SCN8A: variants seen among roughly 807,000 people sequenced by gnomAD.
SCN8A encodes sodium channel protein type 8 subunit alpha.
In SCN8A, 30 loss-of-function variants were observed where a neutral mutation model predicts 184.1. The observed-to-expected ratio is 0.16, with a 90% confidence interval of 0.12 to 0.22. The LOEUF is 0.22. SCN8A is among the 10% of genes least tolerant of loss of function. The pLI is 1.00. For missense variants in SCN8A, 1,057 were observed against 2,498.9 expected (o/e 0.42, Z 12.30); for synonymous variants, 852 against 907.0 (o/e 0.94, Z 1.09).
chr12:51,662,784 A>T lies in SCN8A; in HGVS notation c.-34A>T, dbSNP rs763026909. On this transcript the variant is annotated 5_prime_UTR_variant, in exon 2 of 27. Transcript: ENST00000627620. Reference sequence around the variant, plus strand: ...TCCAGAGCTGACCTGTCCTGGACGCAGCATAACTAACGAAGCTGCTGCAGG... The same window carrying T: ...TCCAGAGCTGACCTGTCCTGGACGCTGCATAACTAACGAAGCTGCTGCAGG... The T allele has an allele frequency of 4.4e-6, 7 of 1,608,782 alleles. No homozygotes were observed. Among genetic ancestry groups the T allele is most frequent in the African/African-American group, 1.3e-5 (1 of 74,772 alleles).
At chr12:51,701,320 C>A (rs1196211960) in intron 8 of SCN8A, 113 bp downstream of exon 8, 7 of 567,594 alleles carry the variant, frequency 1.2e-5, no homozygotes, top group Admixed American at 3.5e-5. Context: ...GTAGACCTTA[C>A]AATTGCATCT....
intron 14 of SCN8A, among the ~76,000 whole-genome samples, chr12:51,755,648 G>C (rs1279507953): frequency 6.6e-6 from 1 of 151,684 alleles, no homozygotes; most frequent in African/African-American, 2.4e-5. Context: ...GGAAGAGGTG[G>C]AGATCTGAGA....
intron 5 of SCN8A, chr12:51,688,795 G>C: frequency 6.2e-7 from 1 of 1,613,938 alleles, no homozygotes; most frequent in South Asian, 1.1e-5. Flanking sequence ...CAATGTTTCA[G>C]CTCTACGCAC....
chr12:51,626,339 T>C (rs1592337410), intron 1 of SCN8A, among the ~76,000 whole-genome samples: 2 of 152,180 alleles, frequency 1.3e-5, no homozygotes, highest in Non-Finnish European at 2.9e-5. Flanking sequence ...AGTTTGGCCT[T>C]GTGATCTATG....
At position 51,811,145 on chromosome 12, in the gene SCN8A, AT is replaced by A. The variant is rs1477469515; in HGVS notation, c.*3718del. The A allele has an allele frequency of 6.6e-6, 1 of 152,160 alleles. No individual in the cohort carries two copies. The highest frequency in any genetic ancestry group is 2.4e-5 in the African/African-American group (1 of 41,442). The allele number at this position is 152,160 out of a possible 1,614,324, so 9.4% of individuals were successfully genotyped here. ...GTGTGTTTGTTGCTTGACTATCCCA[AT>A]TCTTGAGTCCTGGGAGGGGTCTGGG... On this transcript the variant is annotated 3_prime_UTR_variant, in exon 27 of 27. Transcript: ENST00000627620.
chr12:51,774,422 C>T, intron 20 of SCN8A, 60 bp downstream of exon 20: 1 of 1,502,072 alleles, frequency 6.7e-7, no homozygotes, highest in Non-Finnish European at 9.0e-7. Flanking sequence ...ACAGGGGTCT[C>T]TCTTTTTCTA....
At position 51,713,958 on chromosome 12, in the gene SCN8A, C is replaced by T. The variant is rs1312921359; in HGVS notation, c.1635+7243C>T. On this transcript the variant is annotated intron_variant, in intron 11 of 26. Coordinates refer to ENST00000627620, the MANE Select transcript of SCN8A (RefSeq NM_001330260.2). ...ATTTTTAAGAAAAATGAACTGTTTT[C>T]CAAAACCAAAAAAAAGGGTTTTTTT... Among the ~76,000 whole-genome samples, 4 of 149,844 alleles carry T rather than the reference C, an allele frequency of 2.7e-5. No individual in the cohort carries two copies. The East Asian group carries it at 5.8e-4, about 22-fold the overall frequency.
chr12:51,766,027 G>A lies in SCN8A; in HGVS notation c.2901G>A (p.Val967=), dbSNP rs1942832386. The A allele has an allele frequency of 6.2e-7, 1 of 1,612,056 alleles. No individual in the cohort carries two copies. Among genetic ancestry groups the A allele is most frequent in the African/African-American group, 1.3e-5 (1 of 74,866 alleles). ...FMMVMVIGNL[V]VLNLFLALLL... is the part of the protein sequence containing the mutation. ...TGGTCATGGTGATTGGCAACTTGGT[G>A]GTTAGTACTAATTTGTAGATATTTT... Residue 967 remains valine (V), a splice_region_variant and synonymous_variant, in exon 16 of 27, where the codon GTG becomes GTA. Coordinates refer to ENST00000627620, the MANE Select transcript of SCN8A (RefSeq NM_001330260.2).
chr12:51,620,008 T>C (rs1451341008), intron 1 of SCN8A, among the ~76,000 whole-genome samples: 1 of 152,190 alleles, frequency 6.6e-6, no homozygotes, highest in Non-Finnish European at 1.5e-5. Flanking sequence ...GTGATAATCA[T>C]TTTTTTCCTG....
At position 51,770,108 on chromosome 12, in the gene SCN8A, C is replaced by T. The variant is rs538022556; in HGVS notation, c.3490+123C>T. 5 of 678,796 alleles carry T rather than the reference C, an allele frequency of 7.4e-6. No homozygotes were observed. In the East Asian group the frequency reaches 1.1e-4, roughly 15 times the overall value. The allele number at this position is 678,796 out of a possible 1,614,324, so 42.0% of individuals were successfully genotyped here. A position where few individuals can be genotyped will look rare whatever the true frequency, so the allele number is the denominator to read the frequency against. On this transcript the variant is annotated intron_variant, in intron 18 of 26. Transcript: ENST00000627620. Reference sequence around the variant, plus strand: ...CTATCTTCAAGAACTTTGCTCCCCACCCCACCATTTTGAAGGAAACTTAGA... The same window carrying T: ...CTATCTTCAAGAACTTTGCTCCCCATCCCACCATTTTGAAGGAAACTTAGA...
rs933114941 is a variant in SCN8A, at chr12:51,701,453, A to G, written c.992+246A>G. On this transcript the variant is annotated intron_variant, in intron 8 of 26. Transcript: ENST00000627620. ...ATGAAAGAATCCAAGGATGAAATCAATAACACCAGATAGCTTACCTGCCTC... is the reference window on the plus strand; with the variant it reads ...ATGAAAGAATCCAAGGATGAAATCAGTAACACCAGATAGCTTACCTGCCTC... 6.6e-5 allele frequency among the ~76,000 whole-genome samples: 10 copies of G among 152,212 alleles called. No homozygotes were observed. In the East Asian group the frequency reaches 9.6e-4, roughly 15 times the overall value.
chr12:51,730,729 A>T (rs1424789325), intron 12 of SCN8A, among the ~76,000 whole-genome samples: 1 of 152,138 alleles, frequency 6.6e-6, no homozygotes, highest in Non-Finnish European at 1.5e-5. Context: ...TCTTTTAGTT[A>T]TTTTCAAATG....
At chr12:51,760,158 A>G (rs906130278) in intron 14 of SCN8A, among the ~76,000 whole-genome samples, 17 of 152,236 alleles carry the variant, frequency 1.1e-4, no homozygotes, top group Non-Finnish European at 1.9e-4. Flanking sequence ...AGACACTTAT[A>G]TATAATTGCT....
At chr12:51,662,134 G>C in intron 1 of SCN8A, among the ~76,000 whole-genome samples, 1 of 152,216 alleles carries the variant, frequency 6.6e-6, no homozygotes, top group East Asian at 1.9e-4. Flanking sequence ...TCTGCCCTCT[G>C]AGCTTGATGG....
chr12:51,743,090 T>C (rs1004380614), intron 12 of SCN8A, among the ~76,000 whole-genome samples: 8 of 152,234 alleles, frequency 5.3e-5, no homozygotes, highest in Non-Finnish European at 8.8e-5. Flanking sequence ...TAAATTTATC[T>C]GATAGAATGC....
In SCN8A at chr12:51,702,776, A is replaced by T; in HGVS notation, c.996A>T (p.Gln332His). ...LLCGNSSDAG[Q>H]CPEGYQCMKA... is the part of the protein sequence containing the mutation. ...GAACTTCCCTTTCTTTCTTTAGGCA[A>T]TGCCCAGAGGGATACCAGTGTATGA... Residue 332 changes from glutamine (Q) to histidine (H), a missense_variant, in exon 9 of 27, where the codon CAA (glutamine) becomes CAT (histidine). Physicochemically the swap from Gln to His is conservative, Grantham distance 24. Coordinates refer to ENST00000627620, the MANE Select transcript of SCN8A (RefSeq NM_001330260.2). 6.3e-7 allele frequency: 1 copy of T among 1,586,574 alleles called. No individual in the cohort carries two copies. The highest frequency in any genetic ancestry group is 8.6e-7 in the Non-Finnish European group (1 of 1,164,934).
At chr12:51,655,345 T>G (rs1196390762) in intron 1 of SCN8A, among the ~76,000 whole-genome samples, 1 of 150,932 alleles carries the variant, frequency 6.6e-6, no homozygotes, top group East Asian at 2.0e-4. Context: ...TTGTTTGTTT[T>G]CAGGCCACAG....
intron 25 of SCN8A, among the ~76,000 whole-genome samples, chr12:51,790,808 A>G (rs1023319841): frequency 3.3e-5 from 5 of 152,192 alleles, no homozygotes; most frequent in African/African-American, 9.7e-5. Flanking sequence ...AAAGTCAACA[A>G]GAGAAAATGA....
intron 11 of SCN8A, among the ~76,000 whole-genome samples, chr12:51,721,067 CA>C (rs1337918444): frequency 0.022 from 1,255 of 57,948 alleles, 16 homozygotes; most frequent in Admixed American, 0.098. Context: ...AACTCCATCT[CA>C]AAAAAAAAAA....
Sources: gnomAD v4.1 joint callset for allele counts (sites outside exome capture counted in the v4.1 genomes callset) on GRCh38, gnomAD v4.1.1 for gene constraint, MANE v1.5 for transcripts, NCBI Gene and HGNC (gene_info 2026-07-23, HGNC 2026-07-21) for gene names.